Variants in BAIAP2 observed in about 807,000 individuals in gnomAD.
BAIAP2 encodes BAR/IMD domain-containing adapter protein 2.
In BAIAP2, 18 loss-of-function variants were observed where a neutral mutation model predicts 63.0. The observed-to-expected ratio is 0.29, with a 90% CI of 0.20 to 0.42. The LOEUF is 0.42. Ranked by LOEUF, BAIAP2 falls within the 10% of genes least tolerant of loss-of-function variation. The probability of loss-of-function intolerance (pLI) is 1.00; values close to 1 mark genes in which losing one functional copy is unlikely to be tolerated. For synonymous variants in BAIAP2, 386 were observed against 307.6 expected (o/e 1.25, Z -2.67); for missense variants, 610 against 734.3 (o/e 0.83, Z 1.96).
At chr17:81,090,208 A>G (rs1263880322) in intron 6 of BAIAP2, among the ~76,000 whole-genome samples, 1 of 152,096 alleles carries the variant, frequency 6.6e-6, no homozygotes, top group African/African-American at 2.4e-5. Context: ...CAAGCCCCAG[A>G]GCTTCTCTGA....
chr17:81,079,628 A>G (rs1442856315), intron 3 of BAIAP2, among the ~76,000 whole-genome samples: 1 of 152,034 alleles, frequency 6.6e-6, no homozygotes, highest in East Asian at 1.9e-4. Context: ...CTGCACTCCC[A>G]CACCTACATC....
At chr17:81,040,316 C>T (rs569890723) in intron 1 of BAIAP2, among the ~76,000 whole-genome samples, 10 of 152,358 alleles carry the variant, frequency 6.6e-5, no homozygotes, top group African/African-American at 2.4e-4. Context: ...CGCCGTCAGC[C>T]GCCCCCCACA....
intron 13 of BAIAP2, chr17:81,109,955 G>A: frequency 3.0e-6 from 3 of 985,460 alleles, no homozygotes; most frequent in East Asian, 1.1e-4. Flanking sequence ...CCACCTGGGG[G>A]AAACAGGCGG....
intron 3 of BAIAP2, among the ~76,000 whole-genome samples, chr17:81,067,778 C>T (rs2144686696): frequency 6.6e-6 from 1 of 152,370 alleles, no homozygotes; most frequent in South Asian, 2.1e-4. Context: ...AGCGTCAGGC[C>T]TCAGCCGGCC....
Position 81,103,945 on chromosome 17 carries a change from C to T in BAIAP2, c.903C>T (p.Gly301=), listed in dbSNP as rs146135495. Residue 301 remains glycine (G), a synonymous_variant, in exon 9 of 14, where the codon GGC becomes GGT. Coordinates refer to ENST00000428708, the MANE Select transcript of BAIAP2 (RefSeq NM_001144888.2). ...SAQESTPIMN[G]VTGPDGEDYS... ...AGGAGAGCACACCCATCATGAACGGCGTCACAGGCCCGGATGGCGAGGACT... is the reference window on the plus strand; with the variant it reads ...AGGAGAGCACACCCATCATGAACGGTGTCACAGGCCCGGATGGCGAGGACT... 100 of 1,613,018 alleles carry T rather than the reference C, an allele frequency of 6.2e-5. No homozygotes were observed. The African/African-American group carries it at 1.1e-3, about 17-fold the overall frequency.
At chr17:81,084,775 G>T (rs377134485) in intron 3 of BAIAP2, 57 bp from the exon 4 acceptor site, 3 of 1,559,404 alleles carry the variant, frequency 1.9e-6, no homozygotes, top group Non-Finnish European at 8.8e-7. Context: ...GTGGGATGAC[G>T]GTGGTGACTG....
Position 81,115,957 on chromosome 17 carries a change from T to C in BAIAP2, c.*118T>C. 1 of 1,521,996 alleles carries C rather than the reference T, an allele frequency of 6.6e-7. No individual in the cohort carries two copies. The highest frequency in any genetic ancestry group is 8.8e-7 in the Non-Finnish European group (1 of 1,134,886). 94.3% of individuals were successfully genotyped at this position (1,521,996 alleles called of 1,614,324 possible). On this transcript the variant is annotated 3_prime_UTR_variant, in exon 14 of 14. Coordinates refer to ENST00000428708, the MANE Select transcript of BAIAP2 (RefSeq NM_001144888.2). ...ACATCCAGGCCCCGGCTGCCTGGTC[T>C]TGCCCCACTTGAGTCTGGCCTGGAC... is the stretch of plus-strand genomic sequence containing the variant.
chr17:81,109,141 C>T (rs1197665522), intron 13 of BAIAP2: 4 of 1,444,168 alleles, frequency 2.8e-6, no homozygotes, highest in Non-Finnish European at 3.6e-6. Flanking sequence ...GGTTGGTGAC[C>T]CCAGACTCTG....
chr17:81,099,673 A>T (rs1396554480), intron 6 of BAIAP2, among the ~76,000 whole-genome samples: 1 of 151,832 alleles, frequency 6.6e-6, no homozygotes, highest in Non-Finnish European at 1.5e-5. Flanking sequence ...AGGACCCTCC[A>T]CTCACCCAGA....
chr17:81,058,874 G>GC (rs2050070575), intron 3 of BAIAP2, among the ~76,000 whole-genome samples: 1 of 152,162 alleles, frequency 6.6e-6, no homozygotes, highest in Non-Finnish European at 1.5e-5. Flanking sequence ...GGGACTGAAA[G>GC]CCCCCTTGAC....
At chr17:81,105,894 G>A in intron 10 of BAIAP2, 184 bp from the exon 11 acceptor site, 1 of 574,172 alleles carries the variant, frequency 1.7e-6, no homozygotes, top group Non-Finnish European at 3.1e-6. Flanking sequence ...CCTTGCCCTT[G>A]AGGCTGAGCA....
At chr17:81,068,911 G>T (rs1388081706) in intron 3 of BAIAP2, among the ~76,000 whole-genome samples, 4 of 152,118 alleles carry the variant, frequency 2.6e-5, no homozygotes, top group Non-Finnish European at 5.9e-5. Context: ...ATGCTCCTGT[G>T]TGCCCGCTGC....
chr17:81,089,927 G>A (rs1442787604), intron 6 of BAIAP2, among the ~76,000 whole-genome samples: 1 of 152,146 alleles, frequency 6.6e-6, no homozygotes, highest in East Asian at 1.9e-4. Context: ...GAGACGCTTG[G>A]CGAGCCTCAT....
At chr17:81,055,809 C>T (rs1017721175) in intron 2 of BAIAP2, among the ~76,000 whole-genome samples, 2 of 151,996 alleles carry the variant, frequency 1.3e-5, no homozygotes, top group African/African-American at 2.4e-5. Flanking sequence ...TCGTGATCCG[C>T]CCGCCTCAGC....
At chr17:81,057,988 C>CA in intron 3 of BAIAP2, 21 bp downstream of exon 3, 2 of 1,122,484 alleles carry the variant, frequency 1.8e-6, no homozygotes, top group Non-Finnish European at 2.4e-6. Flanking sequence ...CCCCCCCCCC[C>CA]CGCCTGGTAG....
chr17:81,057,915 C>T lies in BAIAP2; in HGVS notation c.165C>T (p.Ala55=), dbSNP rs774314505. The change falls in exon 3 of 14, where the codon GCC becomes GCT. Residue 55 remains alanine (A), a synonymous_variant. Transcript: ENST00000428708. ...ATGCAGCCAAAGGCTACTTTGACGC[C>T]CTGGTGAAGATGGGGGAGCTGGCCA... The part of the protein sequence containing the change: ...VTYAAKGYFD[A]LVKMGELASE... 5.0e-6 allele frequency: 8 copies of T among 1,603,344 alleles called. No individual in the cohort carries two copies. The highest frequency in any genetic ancestry group is 6.0e-6 in the Non-Finnish European group (7 of 1,174,968).
At chr17:81,059,819 G>A (rs149053313) in intron 3 of BAIAP2, among the ~76,000 whole-genome samples, 271 of 152,254 alleles carry the variant, frequency 1.8e-3, no homozygotes, top group Non-Finnish European at 2.8e-3. Flanking sequence ...AGGTGTCTTC[G>A]CCCCTTGGTC....
At chr17:81,058,860 C>T (rs200806876) in intron 3 of BAIAP2, among the ~76,000 whole-genome samples, 13,542 of 152,126 alleles carry the variant, frequency 0.089, 705 homozygotes, top group East Asian at 0.24. Context: ...TACTTTTCTT[C>T]TCGGGGACTG....
intron 6 of BAIAP2, among the ~76,000 whole-genome samples, chr17:81,093,594 T>A (rs979144115): frequency 6.6e-6 from 1 of 151,952 alleles, no homozygotes. Flanking sequence ...AGGATCATCG[T>A]GGGGGTCCTG....
Sources: gnomAD v4.1 joint callset for allele counts (sites outside exome capture counted in the v4.1 genomes callset) on GRCh38, gnomAD v4.1.1 for gene constraint, MANE v1.5 for transcripts, NCBI Gene and HGNC (gene_info 2026-07-23, HGNC 2026-07-21) for gene names.